Variants in PTPRD observed in about 807,000 individuals in gnomAD.
PTPRD encodes receptor-type tyrosine-protein phosphatase delta.
Under a neutral mutation model 214.5 loss-of-function variants are expected in PTPRD, and 34 were observed. The ratio of observed to expected loss-of-function variants is 0.16; its 90% CI spans 0.12 to 0.21. The LOEUF (loss-of-function observed/expected upper bound fraction) is 0.21. Among genes scored for constraint, PTPRD ranks in the 10% least tolerant of loss-of-function variants. The pLI is 1.00. For synonymous variants in PTPRD, 1,128 were observed against 845.7 expected (o/e 1.33, Z -5.79); for missense variants, 2,545 against 2,398.7 (o/e 1.06, Z -1.27).
At chr9:8,412,040 T>C (rs2093576270) in intron 35 of PTPRD, among the ~76,000 whole-genome samples, 2 of 152,310 alleles carry the variant, frequency 1.3e-5, no homozygotes, top group Middle Eastern at 3.4e-3. Context: ...ATTGGTAAAA[T>C]GTAATTACGA....
At chr9:10,062,598 C>T (rs573796093) in intron 3 of PTPRD, among the ~76,000 whole-genome samples, 2 of 152,134 alleles carry the variant, frequency 1.3e-5, no homozygotes, top group African/African-American at 2.4e-5. Context: ...AAGAGTGAAA[C>T]TCAGTCTCAA....
intron 8 of PTPRD, among the ~76,000 whole-genome samples, chr9:9,513,922 T>C (rs1295627794): frequency 6.6e-6 from 1 of 152,050 alleles, no homozygotes; most frequent in Admixed American, 6.6e-5. Context: ...TAAAAATGTC[T>C]TGTGAATAAG....
intron 10 of PTPRD, among the ~76,000 whole-genome samples, chr9:9,025,961 A>T (rs1024180906): frequency 6.6e-6 from 1 of 151,978 alleles, no homozygotes; most frequent in African/African-American, 2.4e-5. Flanking sequence ...TAAACATTTT[A>T]TGCTAATGGG....
At chr9:8,976,439 C>T (rs142385917) in intron 11 of PTPRD, among the ~76,000 whole-genome samples, 1 of 151,994 alleles carries the variant, frequency 6.6e-6, no homozygotes, top group Non-Finnish European at 1.5e-5. Context: ...AAAGGATTAT[C>T]TGAGTGATAA....
intron 4 of PTPRD, among the ~76,000 whole-genome samples, chr9:9,970,644 G>A (rs2095045590): frequency 6.6e-6 from 1 of 152,036 alleles, no homozygotes; most frequent in African/African-American, 2.4e-5. Context: ...ACGGTCTTTT[G>A]TTTAGGTAGT....
chr9:8,353,325 G>A (rs2076014624), intron 39 of PTPRD, among the ~76,000 whole-genome samples: 1 of 152,064 alleles, frequency 6.6e-6, no homozygotes, highest in Admixed American at 6.5e-5. Context: ...CTTTGTGTTG[G>A]TTTTGTAGAG....
In PTPRD at chr9:9,877,924, G is replaced by T. The variant is rs2067366908; in HGVS notation, c.-368+60583C>A. On this transcript the variant is annotated intron_variant, in intron 5 of 45. Coordinates refer to ENST00000381196, the MANE Select transcript of PTPRD (RefSeq NM_002839.4). ...GGAGGTGGAGGTTGCGGTGAGCTGA[G>T]ATCACGCCATTGCACTCCAACCTGG... 5.4e-5 allele frequency among the ~76,000 whole-genome samples: 7 copies of T among 129,094 alleles called. No homozygotes were observed. The Admixed American group carries it at 6.9e-4, about 13-fold the overall frequency. 84.7% of individuals were successfully genotyped at this position (129,094 alleles called of 152,430 possible). A position where few individuals can be genotyped will look rare whatever the true frequency, so the allele number is the denominator to read the frequency against.
intron 5 of PTPRD, among the ~76,000 whole-genome samples, chr9:9,924,526 CA>C (rs1408970278): frequency 2.0e-5 from 3 of 152,062 alleles, no homozygotes; most frequent in African/African-American, 7.2e-5. Context: ...GTCATTTCAA[CA>C]ATACAGCACA....
At chr9:9,056,672 T>G (rs1489041849) in intron 10 of PTPRD, among the ~76,000 whole-genome samples, 1 of 152,214 alleles carries the variant, frequency 6.6e-6, no homozygotes, top group Non-Finnish European at 1.5e-5. Flanking sequence ...GATTTTAGGC[T>G]GAATAAGGTT....
chr9:9,797,997 G>C (rs762664022), intron 5 of PTPRD, among the ~76,000 whole-genome samples: 2 of 152,120 alleles, frequency 1.3e-5, no homozygotes, highest in East Asian at 3.9e-4. Context: ...TCATATTAGA[G>C]ATACATATTT....
At chr9:8,878,533 T>C (rs2098415167) in intron 11 of PTPRD, among the ~76,000 whole-genome samples, 1 of 152,062 alleles carries the variant, frequency 6.6e-6, no homozygotes, top group South Asian at 2.1e-4. Flanking sequence ...TCTTTTTTTT[T>C]TGTTTTCTTT....
chr9:8,340,454 G>A lies in PTPRD; in HGVS notation c.5142C>T (p.Tyr1714=), dbSNP rs1244074013. 6.3e-7 allele frequency: 1 copy of A among 1,597,256 alleles called. No individual in the cohort carries two copies. The highest frequency in any genetic ancestry group is 1.7e-5 in the Admixed American group (1 of 59,670). Residue 1714 remains tyrosine, a synonymous_variant, in exon 42 of 46, where the codon TAC becomes TAT. Transcript: ENST00000381196. ...FIDGYRQQKA[Y]IATQGPLAET... is the part of the protein sequence containing the mutation. ...CTGCCAAGGGCCCCTGGGTAGCGAT[G>A]TAGGCTTTCTGTTGTCTGAATTACA...
At chr9:8,864,685 T>C (rs2098164961) in intron 11 of PTPRD, among the ~76,000 whole-genome samples, 2 of 152,210 alleles carry the variant, frequency 1.3e-5, no homozygotes, top group Admixed American at 1.3e-4. Context: ...TCAGGGATTA[T>C]AAATGACCAG....
chr9:9,746,150 A>T (rs2098455852), intron 6 of PTPRD, among the ~76,000 whole-genome samples: 1 of 152,160 alleles, frequency 6.6e-6, no homozygotes, highest in South Asian at 2.1e-4. Context: ...ACAAATAAAG[A>T]CAGCTTGATC....
chr9:9,203,479 T>G (rs572952376), intron 9 of PTPRD, among the ~76,000 whole-genome samples: 1 of 152,154 alleles, frequency 6.6e-6, no homozygotes, highest in Non-Finnish European at 1.5e-5. Flanking sequence ...AATTAGAAAA[T>G]TTAAAATCAC....
intron 2 of PTPRD, among the ~76,000 whole-genome samples, chr9:10,541,597 A>G (rs995718501): frequency 6.6e-6 from 1 of 151,872 alleles, no homozygotes; most frequent in Non-Finnish European, 1.5e-5. Context: ...GTTAGTTACC[A>G]TTATTACATA....
intron 3 of PTPRD, among the ~76,000 whole-genome samples, chr9:10,136,379 G>C (rs1027478713): frequency 6.6e-6 from 1 of 152,004 alleles, no homozygotes; most frequent in African/African-American, 2.4e-5. Context: ...TTGACGAATT[G>C]TTCCTAATAG....
At chr9:9,776,365 C>T (rs903504722) in intron 5 of PTPRD, among the ~76,000 whole-genome samples, 2 of 152,078 alleles carry the variant, frequency 1.3e-5, no homozygotes, top group Non-Finnish European at 2.9e-5. Context: ...CTCTTGAACT[C>T]GTGTGCCATA....
chr9:9,192,289 C>T (rs1435964551), intron 9 of PTPRD, among the ~76,000 whole-genome samples: 1 of 151,394 alleles, frequency 6.6e-6, no homozygotes, highest in East Asian at 1.9e-4. Context: ...AGTTCTCACA[C>T]AAAAAAAATA....
Sources: gnomAD v4.1 joint callset for allele counts (sites outside exome capture counted in the v4.1 genomes callset) on GRCh38, gnomAD v4.1.1 for gene constraint, MANE v1.5 for transcripts, NCBI Gene and HGNC (gene_info 2026-07-23, HGNC 2026-07-21) for gene names.